The following NEGR1 variants were observed in gnomAD, a reference collection of about 807,000 sequenced individuals.
NEGR1 encodes IgLON family member 4.
In NEGR1, 10 loss-of-function variants were observed where a neutral mutation model predicts 40.9. That is an observed-to-expected ratio of 0.24 (90% CI 0.15 to 0.42). The LOEUF is 0.42. NEGR1 is among the 10% of genes least tolerant of loss of function. The probability of loss-of-function intolerance (pLI) is 1.00; values close to 1 mark genes in which losing one functional copy is unlikely to be tolerated. For synonymous variants in NEGR1, 185 were observed against 166.8 expected, an observed-to-expected ratio of 1.11 and a Z score of -0.84; for missense variants, 352 against 438.9, an observed-to-expected ratio of 0.80 and a Z score of 1.77.
intron 3 of NEGR1, among the ~76,000 whole-genome samples, chr1:71,704,810 T>C (rs1297546802): frequency 6.6e-6 from 1 of 151,810 alleles, no homozygotes; most frequent in African/African-American, 2.4e-5. Flanking sequence ...GGACAAAAAA[T>C]ATCAAAAGAA....
intron 6 of NEGR1, among the ~76,000 whole-genome samples, chr1:71,570,405 T>C (rs1177040147): frequency 6.6e-6 from 1 of 152,192 alleles, no homozygotes; most frequent in Non-Finnish European, 1.5e-5. Context: ...ACTGGAGTGA[T>C]ATACTGTTTC....
At chr1:72,206,741 T>C (rs1162831109) in intron 1 of NEGR1, among the ~76,000 whole-genome samples, 1 of 152,094 alleles carries the variant, frequency 6.6e-6, no homozygotes, top group Admixed American at 6.6e-5. Flanking sequence ...GCTAGAGATG[T>C]AGATTTGCTA....
chr1:71,865,143 A>G (rs902437487), intron 2 of NEGR1, among the ~76,000 whole-genome samples: 2 of 152,190 alleles, frequency 1.3e-5, no homozygotes, highest in East Asian at 1.9e-4. Context: ...CCTGATTGCC[A>G]TCTTATTTAT....
intron 2 of NEGR1, among the ~76,000 whole-genome samples, chr1:71,865,273 G>GGCATAT (rs1169718309): frequency 6.6e-6 from 1 of 152,086 alleles, no homozygotes; most frequent in African/African-American, 2.4e-5. Flanking sequence ...TATTTGGTTA[G>GGCATAT]GCACATGCAC....
At chr1:71,418,079 T>TTC (rs1646368232) in intron 6 of NEGR1, among the ~76,000 whole-genome samples, 1 of 151,426 alleles carries the variant, frequency 6.6e-6, no homozygotes, top group East Asian at 1.9e-4. Context: ...GGTACACTTT[T>TTC]TTTTTTTTTT....
In NEGR1 at chr1:71,613,642, C is replaced by T. The variant is rs560234943; in HGVS notation, c.668-2496G>A. On this transcript the variant is annotated intron_variant, in intron 4 of 6. Coordinates refer to ENST00000357731, the MANE Select transcript of NEGR1 (RefSeq NM_173808.3). ...TGCACTTCAGCCTGGGCAACCAAAG[C>T]GAAACTCCATCTCGAAAAAAAAAAA... is the stretch of plus-strand genomic sequence containing the variant. Among the ~76,000 whole-genome samples the T allele has an allele frequency of 4.1e-5, 6 of 144,898 alleles. No individual in the cohort carries two copies. The East Asian group carries it at 8.1e-4, about 20-fold the overall frequency.
At chr1:71,985,531 C>T (rs1438727740) in intron 1 of NEGR1, among the ~76,000 whole-genome samples, 1 of 151,914 alleles carries the variant, frequency 6.6e-6, no homozygotes. Context: ...TGTGGGAAGC[C>T]TCATACTGGG....
At chr1:72,110,976 T>A (rs968798050) in intron 1 of NEGR1, among the ~76,000 whole-genome samples, 1 of 151,548 alleles carries the variant, frequency 6.6e-6, no homozygotes, top group Non-Finnish European at 1.5e-5. Context: ...AGTTATTATA[T>A]CCTACTTCAT....
intron 4 of NEGR1, among the ~76,000 whole-genome samples, chr1:71,687,066 T>C (rs747010979): frequency 1.4e-4 from 21 of 152,228 alleles, no homozygotes; most frequent in Non-Finnish European, 2.6e-4. Flanking sequence ...AGAACACTTA[T>C]TTGTTTAGAC....
intron 2 of NEGR1, among the ~76,000 whole-genome samples, chr1:71,885,864 A>G (rs911682728): frequency 1.3e-5 from 2 of 152,216 alleles, no homozygotes; most frequent in Non-Finnish European, 2.9e-5. Flanking sequence ...TGGCGTATTA[A>G]TAATCAGTAT....
intron 1 of NEGR1, among the ~76,000 whole-genome samples, chr1:72,280,943 G>T (rs1258324938): frequency 6.6e-6 from 1 of 152,166 alleles, no homozygotes; most frequent in East Asian, 1.9e-4. Flanking sequence ...GTGGCAGGGG[G>T]AGAAGGGAGG....
At chr1:71,451,692 A>G (rs1646630139) in intron 6 of NEGR1, among the ~76,000 whole-genome samples, 1 of 152,148 alleles carries the variant, frequency 6.6e-6, no homozygotes, top group African/African-American at 2.4e-5. Flanking sequence ...ACAGCAATGG[A>G]CAGAGCTCTG....
chr1:72,034,442 G>A (rs560479531), intron 1 of NEGR1, among the ~76,000 whole-genome samples: 1 of 152,196 alleles, frequency 6.6e-6, no homozygotes, highest in East Asian at 1.9e-4. Flanking sequence ...TGTCTAACTC[G>A]GGGAAAATCA....
intron 2 of NEGR1, among the ~76,000 whole-genome samples, chr1:71,791,436 C>T (rs1246824206): frequency 2.0e-5 from 3 of 151,934 alleles, no homozygotes; most frequent in African/African-American, 4.8e-5. Context: ...CTGAACGTGG[C>T]CACAGTGGCA....
rs372033605 is a variant in NEGR1, at chr1:71,529,185, A to G, written c.940+63632T>C. Among the ~76,000 whole-genome samples the G allele has an allele frequency of 5.3e-5, 8 of 151,374 alleles. No individual in the cohort carries two copies. In the East Asian group the frequency reaches 1.2e-3, roughly 22 times the overall value. Reference sequence around the variant, plus strand: ...GGGGTATTTGCGGTGCATTAAACAAATATTTAATTTTAATCATCTGCCTAT... The same window carrying G: ...GGGGTATTTGCGGTGCATTAAACAAGTATTTAATTTTAATCATCTGCCTAT... On this transcript the variant is annotated intron_variant, in intron 6 of 6. Coordinates refer to ENST00000357731, the MANE Select transcript of NEGR1 (RefSeq NM_173808.3).
At chr1:71,407,809 G>A (rs1646287893) in intron 6 of NEGR1, 2 of 421,646 alleles carry the variant, frequency 4.7e-6, no homozygotes, top group East Asian at 8.3e-5. Flanking sequence ...CACCTCACAG[G>A]GCTGTGGTGA....
intron 5 of NEGR1, among the ~76,000 whole-genome samples, chr1:71,595,194 A>T (rs1349549572): frequency 1.3e-5 from 2 of 152,178 alleles, no homozygotes; most frequent in Non-Finnish European, 2.9e-5. Context: ...GGCCAGCAGT[A>T]CCGTGTGCAT....
At chr1:71,809,877 C>A (rs554765728) in intron 2 of NEGR1, among the ~76,000 whole-genome samples, 1 of 152,148 alleles carries the variant, frequency 6.6e-6, no homozygotes, top group Admixed American at 6.6e-5. Flanking sequence ...AACCTGTGAT[C>A]CTAACAGACA....
intron 3 of NEGR1, among the ~76,000 whole-genome samples, chr1:71,765,456 C>CA (rs1347853485): frequency 3.3e-5 from 5 of 151,878 alleles, no homozygotes; most frequent in Non-Finnish European, 5.9e-5. Flanking sequence ...TTTTCATTGG[C>CA]AAAAATGTGT....
Sources: gnomAD v4.1 joint callset for allele counts (sites outside exome capture counted in the v4.1 genomes callset) on GRCh38, gnomAD v4.1.1 for gene constraint, MANE v1.5 for transcripts, NCBI Gene and HGNC (gene_info 2026-07-23, HGNC 2026-07-21) for gene names.